The following ADAMTS17 variants were observed in gnomAD, a reference collection of about 807,000 sequenced individuals.
ADAMTS17 encodes the protein A disintegrin and metalloproteinase with thrombospondin motifs 17.
A neutral mutation model predicts 141.5 loss-of-function variants in ADAMTS17; 113 were observed. That is an observed-to-expected ratio of 0.80 (90% CI 0.69 to 0.93). The LOEUF is 0.93. Among genes scored for constraint, ADAMTS17 ranks in the 40% least tolerant of loss-of-function variants. The probability of loss-of-function intolerance (pLI) is 0.00; values close to 1 mark genes in which losing one functional copy is unlikely to be tolerated. For missense variants in ADAMTS17, 1,659 were observed against 1,517.9 expected, an observed-to-expected ratio of 1.09 and a Z score of -1.54; for synonymous variants, 768 against 630.6, an observed-to-expected ratio of 1.22 and a Z score of -3.27.
chr15:100,259,101 T>C (rs899394834), intron 6 of ADAMTS17, among the ~76,000 whole-genome samples: 2 of 152,258 alleles, frequency 1.3e-5, no homozygotes, highest in African/African-American at 2.4e-5. Context: ...CCAGAAACTA[T>C]AGATTTTCCA....
At chr15:100,183,269 G>T in intron 8 of ADAMTS17, among the ~76,000 whole-genome samples, 1 of 152,160 alleles carries the variant, frequency 6.6e-6, no homozygotes, top group East Asian at 1.9e-4. Flanking sequence ...GGGATTACAG[G>T]TGTGAACCAC....
At chr15:100,189,404 C>T (rs1199813209) in intron 8 of ADAMTS17, among the ~76,000 whole-genome samples, 1 of 152,176 alleles carries the variant, frequency 6.6e-6, no homozygotes, top group East Asian at 1.9e-4. Context: ...TTATAACTCT[C>T]CTCCTGCTGC....
chr15:99,985,018 C>T (rs761087499), intron 20 of ADAMTS17, among the ~76,000 whole-genome samples: 47 of 152,258 alleles, frequency 3.1e-4, no homozygotes, highest in African/African-American at 9.4e-4. Context: ...CACTTCCCCG[C>T]GGCCACCCCT....
At chr15:100,025,472 C>G (rs1322094345) in intron 18 of ADAMTS17, among the ~76,000 whole-genome samples, 1 of 148,034 alleles carries the variant, frequency 6.8e-6, no homozygotes, top group South Asian at 2.1e-4. Flanking sequence ...AGTGAAGTGG[C>G]GTGATCTCGG....
chr15:100,168,777 C>T (rs2040047518), intron 8 of ADAMTS17: 1 of 152,232 alleles, frequency 6.6e-6, no homozygotes. Flanking sequence ...GTCTGCAACC[C>T]CAAGCTCTGC....
chr15:99,996,227 TG>T (rs2060800050), intron 19 of ADAMTS17, among the ~76,000 whole-genome samples: 2 of 152,250 alleles, frequency 1.3e-5, no homozygotes, highest in South Asian at 4.1e-4. Flanking sequence ...GCTAATTTTT[TG>T]TATTTAGTAG....
chr15:100,060,618 G>A (rs185098844), intron 15 of ADAMTS17, among the ~76,000 whole-genome samples: 21 of 152,336 alleles, frequency 1.4e-4, no homozygotes, highest in South Asian at 2.1e-4. Flanking sequence ...GTCTCTCTCC[G>A]TCCTAGCTTC....
chr15:100,316,037 T>C lies in ADAMTS17; in HGVS notation c.616+14852A>G, dbSNP rs534840520. Among the ~76,000 whole-genome samples the C allele has an allele frequency of 3.3e-5, 5 of 152,360 alleles. 1 individual carries two copies. In the East Asian group the frequency reaches 9.6e-4, roughly 29 times the overall value. ...TACAAAGTAGGAAGGATGGAAGGAA[T>C]ATGGCATAGATCAACAGGTTGTTCA... On this transcript the variant is annotated intron_variant, in intron 3 of 21. Coordinates refer to ENST00000268070, the MANE Select transcript of ADAMTS17 (RefSeq NM_139057.4).
intron 3 of ADAMTS17, among the ~76,000 whole-genome samples, chr15:100,296,593 GTGTGTGTGTGTA>G (rs1483800805): frequency 7.2e-5 from 11 of 152,114 alleles, no homozygotes; most frequent in Admixed American, 2.0e-4. Flanking sequence ...GTGTGTGTGT[GTGTGTGTGTGTA>G]TGTGTGTGTG....
At chr15:100,215,937 G>A (rs951896297) in intron 7 of ADAMTS17, among the ~76,000 whole-genome samples, 2 of 152,010 alleles carry the variant, frequency 1.3e-5, no homozygotes, top group African/African-American at 2.4e-5. Context: ...GAGCTGACTC[G>A]GGAGTCCCTG....
At chr15:100,197,030 C>A (rs866723145) in intron 8 of ADAMTS17, among the ~76,000 whole-genome samples, 10 of 152,254 alleles carry the variant, frequency 6.6e-5, no homozygotes, top group African/African-American at 2.2e-4. Flanking sequence ...AAATTCTACA[C>A]AGTCTATAGC....
At chr15:100,008,113 GGA>G (rs2061074262) in intron 18 of ADAMTS17, among the ~76,000 whole-genome samples, 1 of 152,252 alleles carries the variant, frequency 6.6e-6, no homozygotes, top group South Asian at 2.1e-4. Context: ...GATGGGTGAA[GGA>G]GAGGGTGGTC....
At chr15:100,035,855 G>A (rs1453246662) in intron 18 of ADAMTS17, among the ~76,000 whole-genome samples, 1 of 152,110 alleles carries the variant, frequency 6.6e-6, no homozygotes, top group African/African-American at 2.4e-5. Context: ...AAAATGAAGA[G>A]ACGACTCACC....
rs181966549 is a variant in ADAMTS17, at chr15:100,201,416, C to G, written c.1076-1993G>C. Among the ~76,000 whole-genome samples the G allele has an allele frequency of 3.4e-3, 518 of 152,316 alleles. 2 individuals carry two copies. The highest frequency in any genetic ancestry group is 4.4e-3 in the Non-Finnish European group (296 of 68,032). The stretch of plus-strand genomic sequence containing the variant: ...CATGATTATAAGTTTCCTGAGGCCT[C>G]CCCAGCCATGCAGAACTGAGAGTCA... On this transcript the variant is annotated intron_variant, in intron 7 of 21. Coordinates refer to ENST00000268070, the MANE Select transcript of ADAMTS17 (RefSeq NM_139057.4).
chr15:100,073,733 A>C (rs1298724933), intron 15 of ADAMTS17, among the ~76,000 whole-genome samples: 1 of 116,884 alleles, frequency 8.6e-6, no homozygotes, highest in East Asian at 2.6e-4. Flanking sequence ...TGGATACAGG[A>C]AGGGGAACAT....
chr15:100,138,701 T>C (rs1386510531), intron 10 of ADAMTS17, among the ~76,000 whole-genome samples: 1 of 151,946 alleles, frequency 6.6e-6, no homozygotes, highest in African/African-American at 2.4e-5. Context: ...ATAGAAAGAG[T>C]TGGGCAGAGA....
intron 15 of ADAMTS17, among the ~76,000 whole-genome samples, chr15:100,091,266 C>G (rs369708210): frequency 3.9e-5 from 6 of 152,078 alleles, no homozygotes; most frequent in Admixed American, 2.0e-4. Context: ...TACCACCACA[C>G]TGCCGAAGCA....
chr15:100,046,379 ACT>A (rs2031685432), intron 18 of ADAMTS17, among the ~76,000 whole-genome samples: 1 of 151,898 alleles, frequency 6.6e-6, no homozygotes, highest in African/African-American at 2.4e-5. Context: ...AGACTGGCCC[ACT>A]CTGCCACATC....
chr15:100,060,845 GAGTAATTCAA>G (rs1263632061), intron 15 of ADAMTS17, among the ~76,000 whole-genome samples: 9 of 152,206 alleles, frequency 5.9e-5, no homozygotes, highest in Non-Finnish European at 5.9e-5. Flanking sequence ...GCAAATGTGA[GAGTAATTCAA>G]AGTAATTCAA....
Sources: gnomAD v4.1 joint callset for allele counts (sites outside exome capture counted in the v4.1 genomes callset) on GRCh38, gnomAD v4.1.1 for gene constraint, MANE v1.5 for transcripts, NCBI Gene and HGNC (gene_info 2026-07-23, HGNC 2026-07-21) for gene names.